Variants in ANKRD31 observed in about 807,000 individuals in gnomAD.
The protein encoded by ANKRD31 is ankyrin repeat domain 31, also known as ankyrin repeat domain-containing protein 31.
A neutral mutation model predicts 186.0 loss-of-function variants in ANKRD31; 147 were observed. That is an observed-to-expected ratio of 0.79 (90% CI 0.69 to 0.91). The LOEUF (loss-of-function observed/expected upper bound fraction) is 0.91. Among genes scored for constraint, ANKRD31 ranks in the 40% least tolerant of loss-of-function variants. ANKRD31 has a pLI of 0.00. For synonymous variants in ANKRD31, 673 were observed against 736.4 expected (o/e 0.91, Z 1.39); for missense variants, 1,986 against 2,148.8 (o/e 0.92, Z 1.50).
At chr5:75,139,272 A>G (rs1426695037) in intron 15 of ANKRD31, among the ~76,000 whole-genome samples, 1 of 150,874 alleles carries the variant, frequency 6.6e-6, no homozygotes, top group African/African-American at 2.4e-5. Context: ...AATTCTCAGT[A>G]GTCCTTTAAT....
intron 18 of ANKRD31, 24 bp from the exon 19 acceptor site, chr5:75,116,705 TATA>T (rs1202330806): frequency 7.5e-7 from 1 of 1,326,780 alleles, no homozygotes; most frequent in African/African-American, 1.5e-5. Flanking sequence ...AATTAGAAAA[TATA>T]ATAAGAATGT....
At chr5:75,168,484 A>G (rs1324682900) in intron 11 of ANKRD31, among the ~76,000 whole-genome samples, 1 of 152,192 alleles carries the variant, frequency 6.6e-6, no homozygotes, top group Non-Finnish European at 1.5e-5. Context: ...TGCAGTTACT[A>G]TTAACCAACT....
intron 10 of ANKRD31, among the ~76,000 whole-genome samples, chr5:75,169,381 T>C (rs1252930759): frequency 2.0e-5 from 3 of 152,126 alleles, no homozygotes; most frequent in African/African-American, 7.2e-5. Flanking sequence ...AATCTTGACC[T>C]CTCCAAATAA....
At chr5:75,178,423 G>A (rs1753998029) in intron 10 of ANKRD31, among the ~76,000 whole-genome samples, 1 of 152,136 alleles carries the variant, frequency 6.6e-6, no homozygotes, top group African/African-American at 2.4e-5. Flanking sequence ...CAAATCATTA[G>A]AATATACATT....
chr5:75,151,640 T>C (rs1282982244), intron 12 of ANKRD31, among the ~76,000 whole-genome samples: 1 of 152,080 alleles, frequency 6.6e-6, no homozygotes, highest in Admixed American at 6.6e-5. Flanking sequence ...GTCTCAGGTA[T>C]GTCTATTAGC....
intron 10 of ANKRD31, among the ~76,000 whole-genome samples, chr5:75,175,573 G>C (rs1331942439): frequency 3.3e-5 from 5 of 152,144 alleles, no homozygotes; most frequent in African/African-American, 1.2e-4. Flanking sequence ...TTCTGGGATA[G>C]TGTATCTGTC....
At chr5:75,074,045 C>A (rs555371552) in intron 25 of ANKRD31, among the ~76,000 whole-genome samples, 1 of 152,290 alleles carries the variant, frequency 6.6e-6, no homozygotes, top group African/African-American at 2.4e-5. Context: ...CCATCCCCAA[C>A]TCCACTCAAG....
chr5:75,103,628 A>G (rs1426723507), intron 22 of ANKRD31, among the ~76,000 whole-genome samples: 1 of 152,230 alleles, frequency 6.6e-6, no homozygotes, highest in Admixed American at 6.5e-5. Flanking sequence ...GACCAGATAA[A>G]GAAAATGTGG....
At chr5:75,140,186 A>G (rs902035903) in intron 15 of ANKRD31, among the ~76,000 whole-genome samples, 1 of 151,004 alleles carries the variant, frequency 6.6e-6, no homozygotes, top group East Asian at 1.9e-4. Flanking sequence ...CCTGGGCAAC[A>G]GAGATACACT....
intron 17 of ANKRD31, among the ~76,000 whole-genome samples, chr5:75,135,237 G>C (rs1022092193): frequency 6.6e-6 from 1 of 152,334 alleles, no homozygotes; most frequent in South Asian, 2.1e-4. Context: ...GTCCCTGTTT[G>C]CAGATGACAT....
chr5:75,156,672 G>A (rs1174284238), intron 11 of ANKRD31, among the ~76,000 whole-genome samples: 1 of 152,180 alleles, frequency 6.6e-6, no homozygotes, highest in Non-Finnish European at 1.5e-5. Flanking sequence ...AAGAGGCTGA[G>A]CAGGATTTCA....
chr5:75,186,679 G>A (rs1754733996), intron 10 of ANKRD31, among the ~76,000 whole-genome samples: 1 of 151,966 alleles, frequency 6.6e-6, no homozygotes, highest in Non-Finnish European at 1.5e-5. Context: ...TTTGCTTTTG[G>A]AAAAAGAATT....
intron 17 of ANKRD31, among the ~76,000 whole-genome samples, chr5:75,124,459 A>G (rs1749043952): frequency 1.3e-5 from 2 of 152,214 alleles, no homozygotes; most frequent in African/African-American, 4.8e-5. Context: ...AGAAATCATC[A>G]TATTAAAAAG....
intron 16 of ANKRD31, 80 bp downstream of exon 16, chr5:75,138,766 T>C (rs1330646829): frequency 8.7e-6 from 12 of 1,383,252 alleles, no homozygotes; most frequent in African/African-American, 1.5e-5. Context: ...CAGGAACAAA[T>C]TGGAGGGGGC....
chr5:75,212,956 G>A (rs907039039), intron 3 of ANKRD31, among the ~76,000 whole-genome samples: 1 of 152,124 alleles, frequency 6.6e-6, no homozygotes, highest in African/African-American at 2.4e-5. Flanking sequence ...AATACAGGTG[G>A]GGGCTGGAGA....
At chr5:75,217,795 A>G (rs1237284002) in intron 3 of ANKRD31, among the ~76,000 whole-genome samples, 3 of 152,146 alleles carry the variant, frequency 2.0e-5, no homozygotes, top group Non-Finnish European at 4.4e-5. Context: ...TGATCCTGTC[A>G]TCATGTTGTT....
Position 75,116,660 on chromosome 5 carries a change from G to C in ANKRD31, c.4061C>G (p.Ser1354Cys). 1 of 1,430,272 alleles carries C rather than the reference G, an allele frequency of 7.0e-7. No individual in the cohort carries two copies. The highest frequency in any genetic ancestry group is 9.2e-7 in the Non-Finnish European group (1 of 1,084,460). 88.6% of individuals were successfully genotyped at this position (1,430,272 alleles called of 1,614,324 possible). The part of the protein sequence containing the change: ...IVNEKIPAVR[S>C]KRHKQCFCDD... Reference sequence around the variant, plus strand: ...ACAAAAACACTGTTTATGTCTTTTAGACCGGACAGCAGGAATTTTTTCTTT... The same window carrying C: ...ACAAAAACACTGTTTATGTCTTTTACACCGGACAGCAGGAATTTTTTCTTT... Residue 1354 changes from serine to cysteine, a missense_variant, in exon 19 of 26, where the codon TCT becomes TGT. Transcript: ENST00000506364.
chr5:75,120,087 G>GT (rs35635939), intron 17 of ANKRD31, among the ~76,000 whole-genome samples: 24,521 of 152,034 alleles, frequency 0.16, 2,446 homozygotes, highest in East Asian at 0.3. Context: ...GTAAAGAATC[G>GT]TTACTAACTA....
At chr5:75,193,896 A>C (rs1197678971) in intron 7 of ANKRD31, among the ~76,000 whole-genome samples, 1 of 152,082 alleles carries the variant, frequency 6.6e-6, no homozygotes, top group Non-Finnish European at 1.5e-5. Flanking sequence ...GAAATTTGGA[A>C]TGTAGAATGA....
Sources: gnomAD v4.1 joint callset for allele counts (sites outside exome capture counted in the v4.1 genomes callset) on GRCh38, gnomAD v4.1.1 for gene constraint, MANE v1.5 for transcripts, NCBI Gene and HGNC (gene_info 2026-07-23, HGNC 2026-07-21) for gene names.